ARMH3: variants seen among roughly 807,000 people sequenced by gnomAD.
ARMH3 encodes armadillo-like helical domain-containing protein 3.
A neutral mutation model predicts 99.1 loss-of-function variants in ARMH3; 60 were observed. The observed-to-expected ratio is 0.61, with a 90% CI of 0.49 to 0.75. The LOEUF is 0.75. Ranked by LOEUF, ARMH3 falls within the 30% of genes least tolerant of loss-of-function variation. The pLI, the probability that ARMH3 is intolerant of heterozygous loss-of-function variation, is 0.00. For missense variants in ARMH3, 679 were observed against 843.1 expected (o/e 0.81, Z 2.41); for synonymous variants, 285 against 292.8 (o/e 0.97, Z 0.27).
At chr10:102,023,623 A>G in intron 7 of ARMH3, 52 bp downstream of exon 7, 1 of 1,610,300 alleles carries the variant, frequency 6.2e-7, no homozygotes, top group Non-Finnish European at 8.5e-7. Context: ...GAACACAGAG[A>G]AAATTTGAAG....
intron 15 of ARMH3, among the ~76,000 whole-genome samples, chr10:101,998,855 C>T (rs1276093938): frequency 1.3e-5 from 2 of 152,186 alleles, no homozygotes; most frequent in Non-Finnish European, 2.9e-5. Flanking sequence ...AGGCATTAAT[C>T]TCTCCTCACA....
At chr10:101,848,672 C>T (rs1401936070) in intron 25 of ARMH3, among the ~76,000 whole-genome samples, 1 of 152,140 alleles carries the variant, frequency 6.6e-6, no homozygotes, top group East Asian at 1.9e-4. Flanking sequence ...CCTCTTTGCT[C>T]CCCTGTGCCA....
intron 20 of ARMH3, among the ~76,000 whole-genome samples, 159 bp downstream of exon 20, chr10:101,975,048 GTAAAA>G (rs1845928951): frequency 1.3e-4 from 2 of 15,478 alleles, no homozygotes; most frequent in African/African-American, 2.2e-4. Context: ...AAGCTAAAAC[GTAAAA>G]AAAAAAAAAA....
In ARMH3 at chr10:102,006,583, TGTAGGA is replaced by T; in HGVS notation, c.999_1004del (p.Pro334_Thr335del). 1.9e-6 allele frequency: 3 copies of T among 1,614,056 alleles called. No homozygotes were observed. The highest frequency in any genetic ancestry group is 2.5e-6 in the Non-Finnish European group (3 of 1,179,934). On this transcript the variant is annotated inframe_deletion, in exon 14 of 26. Coordinates refer to ENST00000370033, the MANE Select transcript of ARMH3 (RefSeq NM_024541.3). ...TGGTCCCAAGTGGTGTGACTGGGGT[TGTAGGA>T]GCAGGACTGACAGGGGTCGTCACCA... is the stretch of plus-strand genomic sequence containing the variant.
chr10:101,864,078 A>AACACACACACAC (rs71016353), intron 24 of ARMH3, among the ~76,000 whole-genome samples: 1 of 106,272 alleles, frequency 9.4e-6, no homozygotes, highest in African/African-American at 3.4e-5. Context: ...AAAAAAAAAA[A>AACACACACACAC]ACACACACAC....
chr10:102,010,139 G>A, intron 11 of ARMH3, 116 bp from the exon 12 acceptor site: 1 of 872,220 alleles, frequency 1.1e-6, no homozygotes. Context: ...GGGAGAACTT[G>A]GAACTCTAGG....
chr10:101,962,906 G>T (rs1334225485), intron 20 of ARMH3, among the ~76,000 whole-genome samples: 2 of 151,716 alleles, frequency 1.3e-5, no homozygotes, highest in Non-Finnish European at 1.5e-5. Context: ...CCACTGATTA[G>T]CCCCTCACAT....
At chr10:101,875,273 G>C (rs935443) in intron 24 of ARMH3, among the ~76,000 whole-genome samples, 6 of 150,884 alleles carry the variant, frequency 4.0e-5, no homozygotes, top group African/African-American at 1.5e-4. Flanking sequence ...CTAGAGTAGC[G>C]AACTGTAACA....
intron 24 of ARMH3, among the ~76,000 whole-genome samples, chr10:101,879,110 C>T (rs1380147059): frequency 6.6e-6 from 1 of 152,160 alleles, no homozygotes; most frequent in Non-Finnish European, 1.5e-5. Flanking sequence ...ATTATCTTCA[C>T]TCTCCTTCCT....
Position 102,023,550 on chromosome 10 carries a change from G to A in ARMH3, c.596C>T (p.Pro199Leu). 2 of 1,614,008 alleles carry A rather than the reference G, an allele frequency of 1.2e-6. No individual in the cohort carries two copies. The highest frequency in any genetic ancestry group is 1.7e-6 in the Non-Finnish European group (2 of 1,179,948). The change falls in exon 8 of 26, where the codon CCC (proline) becomes CTC (leucine). Residue 199 changes from proline (P) to leucine (L), a missense_variant. By Grantham distance (98) the Pro-to-Leu change is moderately conservative. Around this residue, in one of 3 missense-constraint regions of ARMH3, gnomAD observed 280 missense variants for 354.6 expected, o/e 0.79. Coordinates refer to ENST00000370033, the MANE Select transcript of ARMH3 (RefSeq NM_024541.3). ...FEAILQILSHPPSRREHGYDA... is the reference protein window; with the variant it reads ...FEAILQILSHLPSRREHGYDA... ...ATACCCATGCTCCCTACGACTTGGG[G>A]GATGGGAAAGTATCTGTAACAAGAA...
chr10:102,013,055 A>AG (rs1244287698), intron 9 of ARMH3, among the ~76,000 whole-genome samples, 179 bp from the exon 10 acceptor site: 4 of 152,250 alleles, frequency 2.6e-5, no homozygotes, highest in Admixed American at 2.6e-4. Context: ...TTCTTTGGGA[A>AG]GACTTTTCGT....
At chr10:101,988,922 C>CAAAAAA (rs35605193) in intron 19 of ARMH3, among the ~76,000 whole-genome samples, 1 of 56,568 alleles carries the variant, frequency 1.8e-5, no homozygotes, top group African/African-American at 7.6e-5. Context: ...GACTCTGTCT[C>CAAAAAA]AAAAAAAAAA....
intron 5 of ARMH3, among the ~76,000 whole-genome samples, chr10:102,025,672 A>T (rs1014100340): frequency 2.0e-5 from 3 of 151,960 alleles, no homozygotes; most frequent in Non-Finnish European, 4.4e-5. Flanking sequence ...TTTGAGACAG[A>T]GTCTCACTCT....
chr10:101,899,281 T>C (rs2067917075), intron 23 of ARMH3, among the ~76,000 whole-genome samples: 1 of 152,216 alleles, frequency 6.6e-6, no homozygotes, highest in Non-Finnish European at 1.5e-5. Flanking sequence ...ACAGAGTATG[T>C]TCTCAGGTAT....
intron 23 of ARMH3, among the ~76,000 whole-genome samples, chr10:101,932,203 G>A (rs958149011): frequency 6.6e-6 from 1 of 152,152 alleles, no homozygotes; most frequent in Non-Finnish European, 1.5e-5. Flanking sequence ...GTCACTATGC[G>A]ATAGCACTTC....
rs145867938 is a variant in ARMH3 at position 101,995,925 on chromosome 10, A to G, written c.1151-570T>C. Among the ~76,000 whole-genome samples, 25 of 152,366 alleles carry G rather than the reference A, an allele frequency of 1.6e-4. No individual in the cohort carries two copies. The East Asian group carries it at 4.0e-3, about 25-fold the overall frequency. ...CCTGTCAAAGTTACTCATTCAACAAATATTTACTTAGCACTACTATGTGGC... is the reference window on the plus strand; with the variant it reads ...CCTGTCAAAGTTACTCATTCAACAAGTATTTACTTAGCACTACTATGTGGC... On this transcript the variant is annotated intron_variant, in intron 15 of 25. Transcript: ENST00000370033.
intron 13 of ARMH3, among the ~76,000 whole-genome samples, 164 bp from the exon 14 acceptor site, chr10:102,006,797 A>G (rs1362379980): frequency 6.6e-6 from 1 of 152,036 alleles, no homozygotes; most frequent in Non-Finnish European, 1.5e-5. Flanking sequence ...CCTAGGCTCA[A>G]GCACTCTCCT....
At chr10:101,965,212 A>G (rs767372523) in intron 20 of ARMH3, among the ~76,000 whole-genome samples, 4 of 152,160 alleles carry the variant, frequency 2.6e-5, no homozygotes, top group African/African-American at 9.7e-5. Context: ...ACAAAAGGTC[A>G]ATGTTTTTCT....
chr10:101,876,224 G>A (rs1334478606), intron 24 of ARMH3, among the ~76,000 whole-genome samples: 2 of 142,506 alleles, frequency 1.4e-5, no homozygotes, highest in African/African-American at 5.3e-5. Context: ...ACTCCAGCCT[G>A]GCGACAGAGC....
Sources: gnomAD v4.1 joint callset for allele counts (sites outside exome capture counted in the v4.1 genomes callset) on GRCh38, gnomAD v4.1.1 for gene constraint, gnomAD v4.1.1 regional missense constraint, MANE v1.5 for transcripts, NCBI Gene and HGNC (gene_info 2026-07-23, HGNC 2026-07-21) for gene names.